Variants in DIS3L2 observed in about 807,000 individuals in gnomAD.
The protein encoded by DIS3L2 is DIS3-like exonuclease 2.
DIS3L2 carries 34 observed loss-of-function variants against 97.5 expected under a neutral mutation model. That is an observed-to-expected ratio of 0.35 (90% CI 0.27 to 0.46). DIS3L2 has a LOEUF of 0.46. DIS3L2 is among the 20% of genes least tolerant of loss of function. The pLI is 1.00. For missense variants in DIS3L2, 1,038 were observed against 1,146.0 expected (o/e 0.91, Z 1.36); for synonymous variants, 435 against 445.2 (o/e 0.98, Z 0.29).
intron 5 of DIS3L2, among the ~76,000 whole-genome samples, chr2:232,078,395 C>T (rs148248254): frequency 3.9e-5 from 6 of 152,200 alleles, no homozygotes; most frequent in Non-Finnish European, 8.8e-5. Context: ...CGCCCCGCTC[C>T]CCGGGAGGAA....
chr2:232,181,713 A>C (rs1315236661), intron 9 of DIS3L2, among the ~76,000 whole-genome samples: 1 of 152,014 alleles, frequency 6.6e-6, no homozygotes, highest in Non-Finnish European at 1.5e-5. Context: ...ATCTCAGCTC[A>C]CTGCAACCTC....
At position 232,334,411 on chromosome 2, in the gene DIS3L2, A is replaced by C; in HGVS notation, c.2201A>C (p.Lys734Thr). The C allele has an allele frequency of 6.2e-7, 1 of 1,613,812 alleles. No individual in the cohort carries two copies. Among genetic ancestry groups the C allele is most frequent in the Non-Finnish European group, 8.5e-7 (1 of 1,180,004 alleles). Residue 734 changes from lysine to threonine, a missense_variant, in exon 18 of 21, where the codon AAA becomes ACA. Lys to Thr is a moderately conservative substitution (Grantham distance 78). This residue lies in a region of DIS3L2 where 221 missense variants were observed against 246.9 expected (regional missense o/e 0.90). Transcript: ENST00000325385. ...RLDMAPDTLQKQADHCNDRRM... is the reference protein window; with the variant it reads ...RLDMAPDTLQTQADHCNDRRM... ...GACATGGCGCCCGATACCCTGCAGAAACAGGCGGACCACTGTAACGACCGC... is the reference window on the plus strand; with the variant it reads ...GACATGGCGCCCGATACCCTGCAGACACAGGCGGACCACTGTAACGACCGC...
In DIS3L2 at chr2:232,330,317, C is replaced by T. The variant is rs569421895; in HGVS notation, c.1923+321C>T. On this transcript the variant is annotated intron_variant, in intron 15 of 20. Coordinates refer to ENST00000325385, the MANE Select transcript of DIS3L2 (RefSeq NM_152383.5). ...GTCGGGGCTGGAATTGTAGGAATCC[C>T]GGGAATGTTCCTGGTGGGTACTTTC... Among the ~76,000 whole-genome samples, 8 of 152,182 alleles carry T rather than the reference C, an allele frequency of 5.3e-5. 1 individual carries two copies. The highest frequency in any genetic ancestry group is 4.1e-4 in the South Asian group (2 of 4,836).
chr2:231,987,538 A>G (rs1693452485), intron 1 of DIS3L2, among the ~76,000 whole-genome samples: 1 of 152,194 alleles, frequency 6.6e-6, no homozygotes, highest in Non-Finnish European at 1.5e-5. Flanking sequence ...TGCTAGCTGA[A>G]GGTTTAAGGT....
chr2:232,321,540 G>A (rs535629723), intron 14 of DIS3L2, among the ~76,000 whole-genome samples: 48 of 152,234 alleles, frequency 3.2e-4, no homozygotes, highest in East Asian at 3.1e-3. Flanking sequence ...CTGACCCGGA[G>A]GCCCAGTGCG....
chr2:232,247,541 C>T (rs142055642), intron 11 of DIS3L2, among the ~76,000 whole-genome samples: 1 of 146,610 alleles, frequency 6.8e-6, no homozygotes, highest in Non-Finnish European at 1.5e-5. Context: ...CCTCATTTAA[C>T]CTTACTTACC....
chr2:232,197,694 C>A (rs767859694), intron 9 of DIS3L2, among the ~76,000 whole-genome samples: 1 of 152,048 alleles, frequency 6.6e-6, no homozygotes, highest in Non-Finnish European at 1.5e-5. Flanking sequence ...TCTGGCTGGG[C>A]GCGGTGGCTC....
At chr2:232,220,678 G>A (rs1292807830) in intron 10 of DIS3L2, among the ~76,000 whole-genome samples, 1 of 152,172 alleles carries the variant, frequency 6.6e-6, no homozygotes, top group Non-Finnish European at 1.5e-5. Flanking sequence ...CTGCACTCCA[G>A]CATGGGTGAC....
chr2:232,145,409 G>A (rs1025717246), intron 8 of DIS3L2, among the ~76,000 whole-genome samples: 1 of 152,186 alleles, frequency 6.6e-6, no homozygotes, highest in Non-Finnish European at 1.5e-5. Flanking sequence ...TACTTGAGAT[G>A]TAATTTCCTT....
chr2:232,254,530 CT>C (rs1475513325), intron 12 of DIS3L2, among the ~76,000 whole-genome samples: 1 of 152,026 alleles, frequency 6.6e-6, no homozygotes. Context: ...TTTATAAATG[CT>C]TATTTTCGTG....
At chr2:232,106,861 A>C (rs1697371118) in intron 6 of DIS3L2, among the ~76,000 whole-genome samples, 1 of 152,236 alleles carries the variant, frequency 6.6e-6, no homozygotes, top group Non-Finnish European at 1.5e-5. Flanking sequence ...CGGAAGTAAA[A>C]CACTCCTCAG....
At chr2:232,075,166 C>T (rs956592684) in intron 5 of DIS3L2, among the ~76,000 whole-genome samples, 2 of 152,074 alleles carry the variant, frequency 1.3e-5, no homozygotes, top group Non-Finnish European at 2.9e-5. Context: ...ATTTAGAGTC[C>T]TAGACCTGTA....
chr2:231,982,683 ATTTT>A (rs111376702), intron 1 of DIS3L2, among the ~76,000 whole-genome samples: 1 of 142,556 alleles, frequency 7.0e-6, no homozygotes. Flanking sequence ...TTATTCAAGC[ATTTT>A]TTTTTTTTTT....
intron 8 of DIS3L2, among the ~76,000 whole-genome samples, chr2:232,137,163 C>T (rs562674427): frequency 1.1e-4 from 16 of 152,234 alleles, no homozygotes; most frequent in South Asian, 2.1e-4. Context: ...CATTCTTTTT[C>T]GGTATTGATT....
intron 13 of DIS3L2, among the ~76,000 whole-genome samples, chr2:232,279,378 A>G (rs1694223937): frequency 1.3e-5 from 2 of 152,156 alleles, no homozygotes; most frequent in African/African-American, 4.8e-5. Context: ...AATTCTGTTG[A>G]GCATCTTTTC....
intron 14 of DIS3L2, 28 bp from the exon 15 acceptor site, chr2:232,329,785 T>TGCCGGGGGCGC: frequency 3.1e-6 from 3 of 967,142 alleles, no homozygotes; most frequent in African/African-American, 1.7e-5. Flanking sequence ...ACCCCAGCGG[T>TGCCGGGGGCGC]CCCTCCCATC....
At chr2:232,139,501 T>A (rs1401638252) in intron 8 of DIS3L2, among the ~76,000 whole-genome samples, 1 of 152,018 alleles carries the variant, frequency 6.6e-6, no homozygotes, top group Non-Finnish European at 1.5e-5. Flanking sequence ...GAGGTGGGGG[T>A]CCAGAGTCCC....
At chr2:232,068,524 A>G (rs572562338) in intron 5 of DIS3L2, among the ~76,000 whole-genome samples, 17 of 151,788 alleles carry the variant, frequency 1.1e-4, no homozygotes, top group Admixed American at 3.3e-4. Flanking sequence ...TGGGGGTACA[A>G]TGAGCCATGA....
chr2:232,000,596 CCTTTTCCTTTCCTTT>C (rs1236930070), intron 1 of DIS3L2, among the ~76,000 whole-genome samples: 1 of 54,392 alleles, frequency 1.8e-5, no homozygotes, highest in African/African-American at 8.2e-5. Context: ...AGAGGGATTT[CCTTTTCCTTTCCTTT>C]CTTTTCCTTT....
Sources: gnomAD v4.1 joint callset for allele counts (sites outside exome capture counted in the v4.1 genomes callset) on GRCh38, gnomAD v4.1.1 for gene constraint, gnomAD v4.1.1 regional missense constraint, MANE v1.5 for transcripts, NCBI Gene and HGNC (gene_info 2026-07-23, HGNC 2026-07-21) for gene names.